RUNX2: variants seen among roughly 807,000 people sequenced by gnomAD.
RUNX2 encodes runt-related transcription factor 2.
A neutral mutation model predicts 51.7 loss-of-function variants in RUNX2; 10 were observed. The observed-to-expected ratio is 0.19, with a 90% CI of 0.12 to 0.33. The LOEUF (loss-of-function observed/expected upper bound fraction) is 0.33. Ranked by LOEUF, RUNX2 falls within the 10% of genes least tolerant of loss-of-function variation. RUNX2 has a pLI of 1.00. For synonymous variants in RUNX2, 276 were observed against 273.6 expected (o/e 1.01, Z -0.09); for missense variants, 562 against 691.3 (o/e 0.81, Z 2.10).
chr6:45,545,354 T>C, intron 8 of RUNX2, 72 bp downstream of exon 8: 1 of 1,477,398 alleles, frequency 6.8e-7, no homozygotes, highest in Non-Finnish European at 9.1e-7. Flanking sequence ...TACTGTCCGA[T>C]TTGTGAGTTT....
At chr6:45,523,857 G>A (rs537589679) in intron 7 of RUNX2, among the ~76,000 whole-genome samples, 9 of 152,008 alleles carry the variant, frequency 5.9e-5, no homozygotes, top group African/African-American at 1.9e-4. Flanking sequence ...ACTTGAACCC[G>A]GGAGGCGGAG....
At chr6:45,375,876 C>A (rs545661101) in intron 2 of RUNX2, among the ~76,000 whole-genome samples, 18 of 149,736 alleles carry the variant, frequency 1.2e-4, no homozygotes, top group Non-Finnish European at 2.4e-4. Context: ...TTTTGTGAAA[C>A]ATCTATTACC....
intron 2 of RUNX2, among the ~76,000 whole-genome samples, chr6:45,379,789 C>T (rs755485852): frequency 6.6e-6 from 1 of 152,062 alleles, no homozygotes; most frequent in African/African-American, 2.4e-5. Flanking sequence ...TCGCTTGAAC[C>T]TGGGAGGCGG....
rs540052531 is a variant in RUNX2, at chr6:45,510,908, G to A, written c.860-1338G>A. On this transcript the variant is annotated intron_variant, in intron 6 of 8. Coordinates refer to ENST00000647337, the MANE Select transcript of RUNX2 (RefSeq NM_001024630.4). ...ACAGATGAGGAAACTGAGGCTCAGA[G>A]TGACTGAGTAATTAAGCCAAGGTTA... 2.6e-5 allele frequency among the ~76,000 whole-genome samples: 4 copies of A among 152,230 alleles called. No individual in the cohort carries two copies. In the South Asian group the frequency reaches 8.3e-4, roughly 32 times the overall value.
intron 7 of RUNX2, among the ~76,000 whole-genome samples, chr6:45,515,520 G>T (rs1340108317): frequency 6.6e-6 from 1 of 152,162 alleles, no homozygotes; most frequent in Non-Finnish European, 1.5e-5. Context: ...CTTGTTAAGT[G>T]AGTCAAATTA....
Sources: allele counts gnomAD v4.1 joint callset (sites outside exome capture counted in the v4.1 genomes callset), GRCh38; gene constraint gnomAD v4.1.1; transcripts MANE v1.5; gene names NCBI Gene and HGNC (gene_info 2026-07-23, HGNC 2026-07-21).